The following TTC24 variants were observed in gnomAD, a reference collection of about 807,000 sequenced individuals.
TTC24 encodes tetratricopeptide repeat protein 24.
Under a neutral mutation model 63.3 loss-of-function variants are expected in TTC24, and 54 were observed. The ratio of observed to expected loss-of-function variants is 0.85; its 90% CI spans 0.69 to 1.07. The LOEUF is 1.07. Ranked by LOEUF, TTC24 falls within the 50% of genes least tolerant of loss-of-function variation. The pLI, the probability that TTC24 is intolerant of heterozygous loss-of-function variation, is 0.00. For synonymous variants in TTC24, 276 were observed against 304.3 expected (o/e 0.91, Z 0.97); for missense variants, 680 against 730.5 (o/e 0.93, Z 0.80).
rs1336350900 is a variant in TTC24, at chr1:156,582,446, G to A, written c.910+12G>A. ...TGCTGACCTACACGGTGGGTGCCTG[G>A]GGCCGGGGAATGGGACTGGGACTAA... On this transcript the variant is annotated intron_variant, in intron 3 of 10. Coordinates refer to ENST00000368236, the MANE Select transcript of TTC24 (RefSeq NM_001105669.4). 1 of 1,613,054 alleles carries A rather than the reference G, an allele frequency of 6.2e-7. No homozygotes were observed. The highest frequency in any genetic ancestry group is 2.2e-5 in the East Asian group (1 of 44,890).
rs1203539465 is a variant in TTC24 at position 156,583,777 on chromosome 1, A to C, written c.1153-20A>C. 5 of 1,559,512 alleles carry C rather than the reference A, an allele frequency of 3.2e-6. No homozygotes were observed. Among genetic ancestry groups the C allele is most frequent in the Non-Finnish European group, 3.5e-6 (4 of 1,151,894 alleles). On this transcript the variant is annotated intron_variant, in intron 5 of 10. Transcript: ENST00000368236. The surrounding 1 kb of genome is among the most constrained non-coding windows in gnomAD (Gnocchi z 4.0). ...AGGTCCAGGCATTCCCCATTACCCT[A>C]TTATCCACCCTCTTCCCAGAAGGAG...
chr1:156,585,608 C>A, intron 8 of TTC24, 105 bp from the exon 9 acceptor site: 1 of 825,852 alleles, frequency 1.2e-6, no homozygotes, highest in Non-Finnish European at 2.1e-6. Flanking sequence ...TGGTAAACCC[C>A]AGCTCACTAC....
In TTC24 at chr1:156,585,937, T is replaced by G. The variant is rs772593296; in HGVS notation, c.1571-12T>G. ...AGGCACGTGATGAATGTGTCTGTCC[T>G]TCTCCATCTAGGTCCAGGACCCAGG... On this transcript the variant is annotated splice_polypyrimidine_tract_variant and intron_variant, in intron 9 of 10. Transcript: ENST00000368236. The G allele has an allele frequency of 6.2e-7, 1 of 1,604,502 alleles. No individual in the cohort carries two copies. The highest frequency in any genetic ancestry group is 1.3e-5 in the African/African-American group (1 of 74,678).
intron 8 of TTC24, 176 bp downstream of exon 8, chr1:156,585,407 C>G (rs1051524726): frequency 1.5e-5 from 9 of 612,324 alleles, no homozygotes; most frequent in Non-Finnish European, 2.6e-5. Flanking sequence ...TGTCCCAGTT[C>G]GCAAGTCCCC....
At chr1:156,586,419 G>A (rs759486812) in intron 10 of TTC24, 50 bp from the exon 11 acceptor site, 3 of 1,518,088 alleles carry the variant, frequency 2.0e-6, no homozygotes, top group African/African-American at 3.0e-5. Flanking sequence ...GCTGCCTCCT[G>A]CTGTCTCCCC....
chr1:156,582,352 A>G lies in TTC24; in HGVS notation c.828A>G (p.Leu276=). Residue 276 remains leucine (L), a synonymous_variant, in exon 3 of 11, where the codon CTA becomes CTG. Coordinates refer to ENST00000368236, the MANE Select transcript of TTC24 (RefSeq NM_001105669.4). ...TGCCAGGAGAGCAGGCCACAGTGCT[A>G]AGAAACCTCGGGATGGCCCACAATG... ...CWVPGEQATV[L]RNLGMAHNAL... The G allele has an allele frequency of 6.2e-7, 1 of 1,612,282 alleles. No individual in the cohort carries two copies. The highest frequency in any genetic ancestry group is 8.5e-7 in the Non-Finnish European group (1 of 1,179,204).
Position 156,581,499 on chromosome 1 carries a change from G to A in TTC24, c.135G>A (p.Gly45=), listed in dbSNP as rs1176388097. Residue 45 remains glycine (G), a synonymous_variant, in exon 2 of 11, where the codon GGG becomes GGA. Transcript: ENST00000368236. ...SIQALTRAGH[G]ALQAGQNHEA... is the part of the protein sequence containing the mutation. ...AAGCCCTCACCAGGGCTGGCCATGG[G>A]GCCCTTCAGGCTGGCCAGAACCATG... 1.3e-6 allele frequency: 2 copies of A among 1,551,280 alleles called. No individual in the cohort carries two copies. Among genetic ancestry groups the A allele is most frequent in the African/African-American group, 2.7e-5 (2 of 73,054 alleles).
intron 1 of TTC24, among the ~76,000 whole-genome samples, chr1:156,580,366 C>T: frequency 6.6e-6 from 1 of 152,138 alleles, no homozygotes; most frequent in East Asian, 1.9e-4. Context: ...TGAACTACGT[C>T]TTGAGATTAG....
At chr1:156,584,243 T>C (rs1240046311) in intron 6 of TTC24, among the ~76,000 whole-genome samples, 1 of 152,138 alleles carries the variant, frequency 6.6e-6, no homozygotes, top group Non-Finnish European at 1.5e-5. Flanking sequence ...AGGAAGTCCC[T>C]CTCTCCCGTC....
chr1:156,584,411 T>A (rs1284324208), intron 6 of TTC24: 1 of 159,236 alleles, frequency 6.3e-6, no homozygotes, highest in African/African-American at 2.4e-5. Context: ...AGAAAACCTC[T>A]TCCCGCTCCA....
intron 7 of TTC24, 62 bp from the exon 8 acceptor site, chr1:156,585,063 C>T: frequency 2.6e-6 from 4 of 1,552,226 alleles, no homozygotes; most frequent in Non-Finnish European, 2.6e-6. Flanking sequence ...CATGTGTATC[C>T]CCAGGAAGGA....
Position 156,583,971 on chromosome 1 carries a change from C to G in TTC24, c.1251+76C>G. On this transcript the variant is annotated intron_variant, in intron 6 of 10. Transcript: ENST00000368236. The surrounding 1 kb of genome is among the most constrained non-coding windows in gnomAD (Gnocchi z 4.0). ...AGAAGGGGTTGGTGGTAAGCAGAGA[C>G]GCTGTTCCCTGGGATGCTGCGCGCT... 1.6e-6 allele frequency: 2 copies of G among 1,215,134 alleles called. No individual in the cohort carries two copies. Among genetic ancestry groups the G allele is most frequent in the Non-Finnish European group, 1.2e-6 (1 of 843,982 alleles). The allele number at this position is 1,215,134 out of a possible 1,614,324, so 75.3% of individuals were successfully genotyped here.
intron 10 of TTC24, 117 bp from the exon 11 acceptor site, chr1:156,586,352 A>G: frequency 1.2e-6 from 1 of 827,900 alleles, no homozygotes; most frequent in Non-Finnish European, 2.0e-6. Flanking sequence ...CCTTCTCTGG[A>G]GCCCACCAGC....
At chr1:156,582,562 T>G in intron 3 of TTC24, 128 bp downstream of exon 3, 1 of 819,730 alleles carries the variant, frequency 1.2e-6, no homozygotes, top group Non-Finnish European at 1.9e-6. Context: ...CCAGAACCAG[T>G]GGGGGAGAGC....
At position 156,580,845 on chromosome 1, in the gene TTC24, AT is replaced by A. The variant is rs58940851; in HGVS notation, c.-4-512del. Among the ~76,000 whole-genome samples the A allele has an allele frequency of 8.3e-3, 1,272 of 152,336 alleles. 19 individuals carry two copies. Among genetic ancestry groups the A allele is most frequent in the African/African-American group, 0.03 (1,228 of 41,582 alleles). ...TAACATACAATTTACCATTTTAACC[AT>A]TTTAAAATGTGCAGTTCAGTGGCAT... On this transcript the variant is annotated intron_variant, in intron 1 of 10. Coordinates refer to ENST00000368236, the MANE Select transcript of TTC24 (RefSeq NM_001105669.4).
Position 156,586,639 on chromosome 1 carries a change from G to C in TTC24, c.*89G>C. ...GTCCTGGGGACCAAGCCTCTTCCCA[G>C]TTGCTCAGCCCTGCAGGGATGTGGA... On this transcript the variant is annotated 3_prime_UTR_variant, in exon 11 of 11. Transcript: ENST00000368236. 4.1e-6 allele frequency: 5 copies of C among 1,210,886 alleles called. No homozygotes were observed. The highest frequency in any genetic ancestry group is 6.0e-6 in the Non-Finnish European group (5 of 839,244). The allele number at this position is 1,210,886 out of a possible 1,614,324, so 75.0% of individuals were successfully genotyped here.
At position 156,583,830 on chromosome 1, in the gene TTC24, GCCAAGCTGGCAGA is replaced by G; in HGVS notation, c.1188_1200del (p.Lys397ProfsTer2). ...AGATTCTGTGCGAGAACGGCTGGTG[GCCAAGCTGGCAGA>G]CACCGTGAGGACGCGCTTGGCCCAG... is the stretch of plus-strand genomic sequence containing the variant. On this transcript the variant is annotated frameshift_variant, in exon 6 of 11. Transcript: ENST00000368236. LOFTEE classifies it high-confidence loss of function. This position sits in a 1 kb window ranked among gnomAD's most constrained non-coding sequence, Gnocchi z 4.0. 6.3e-7 allele frequency: 1 copy of G among 1,583,294 alleles called. No homozygotes were observed. The highest frequency in any genetic ancestry group is 8.6e-7 in the Non-Finnish European group (1 of 1,166,316).
In TTC24 at chr1:156,586,842, T is replaced by C. The variant is rs967048760; in HGVS notation, c.*292T>C. 2 of 273,356 alleles carry C rather than the reference T, an allele frequency of 7.3e-6. No homozygotes were observed. Among genetic ancestry groups the C allele is most frequent in the Admixed American group, 8.9e-5 (2 of 22,382 alleles). The allele number at this position is 273,356 out of a possible 1,614,324, so 16.9% of individuals were successfully genotyped here. On this transcript the variant is annotated 3_prime_UTR_variant, in exon 11 of 11. Transcript: ENST00000368236. ...CCAAATCTTACGATTGCTAGGGGCC[T>C]GGCAGTTCTAAAAACTGACTTCGTG...
intron 8 of TTC24, chr1:156,585,446 T>C (rs1677130946): frequency 1.7e-6 from 1 of 597,458 alleles, no homozygotes; most frequent in Admixed American, 3.0e-5. Context: ...TCTGCTTGTC[T>C]CTCAAGGCCC....
Sources: gnomAD v4.1 joint callset for allele counts (sites outside exome capture counted in the v4.1 genomes callset) on GRCh38, gnomAD v4.1.1 for gene constraint, Gnocchi (gnomAD v3.1) non-coding constraint, MANE v1.5 for transcripts, NCBI Gene and HGNC (gene_info 2026-07-23, HGNC 2026-07-21) for gene names.